THSD7B: variants seen among roughly 807,000 people sequenced by gnomAD.
THSD7B encodes the protein thrombospondin type 1 domain containing 7B, also known as thrombospondin type-1 domain-containing protein 7B.
THSD7B carries 138 observed loss-of-function variants against 213.6 expected under a neutral mutation model. The ratio of observed to expected loss-of-function variants is 0.65; its 90% CI spans 0.56 to 0.74. The LOEUF is 0.74. Ranked by LOEUF, THSD7B falls within the 30% of genes least tolerant of loss-of-function variation. THSD7B has a pLI of 0.00. For synonymous variants in THSD7B, 742 were observed against 687.0 expected, an observed-to-expected ratio of 1.08 and a Z score of -1.25; for missense variants, 1,931 against 1,991.5, an observed-to-expected ratio of 0.97 and a Z score of 0.58.
chr2:137,160,211 A>C lies in THSD7B; in HGVS notation c.1370-2A>C, dbSNP rs773510503. On this transcript the variant is annotated splice_acceptor_variant, in intron 5 of 27. Coordinates refer to ENST00000409968, the MANE Select transcript of THSD7B (RefSeq NM_001316349.2). LOFTEE classifies it high-confidence loss of function. Reference sequence around the variant, plus strand: ...ATGGTCCGTTATCTTTTTGTCCCTCAGTCTCTAGACCTGTGGAAAAGGCAT... The same window carrying C: ...ATGGTCCGTTATCTTTTTGTCCCTCCGTCTCTAGACCTGTGGAAAAGGCAT... 6.2e-7 allele frequency: 1 copy of C among 1,607,564 alleles called. No individual in the cohort carries two copies. The highest frequency in any genetic ancestry group is 1.1e-5 in the South Asian group (1 of 89,502).
At position 136,888,230 on chromosome 2, in the gene THSD7B, C is replaced by G. The variant is rs77280106; in HGVS notation, c.139+5913C>G. 1.4e-3 allele frequency among the ~76,000 whole-genome samples: 207 copies of G among 151,966 alleles called. 5 individuals carry two copies. In the East Asian group the frequency reaches 0.035, roughly 26 times the overall value. ...AAAGTTTTAATTTCAGTAGCTCATG[C>G]TCAATGAATAAAAAGGGTGAGGATA... On this transcript the variant is annotated intron_variant, in intron 2 of 27. Coordinates refer to ENST00000409968, the MANE Select transcript of THSD7B (RefSeq NM_001316349.2).
chr2:137,284,890 G>A (rs1308912008), intron 12 of THSD7B, among the ~76,000 whole-genome samples: 1 of 152,118 alleles, frequency 6.6e-6, no homozygotes, highest in Non-Finnish European at 1.5e-5. Context: ...ATTTGGGGTG[G>A]AGAGTTCTGT....
At chr2:137,192,350 A>C (rs112906307) in intron 7 of THSD7B, among the ~76,000 whole-genome samples, 20 of 152,354 alleles carry the variant, frequency 1.3e-4, no homozygotes, top group African/African-American at 4.8e-4. Context: ...GGGTATGAGC[A>C]AGGAAAAACT....
intron 10 of THSD7B, among the ~76,000 whole-genome samples, chr2:137,248,288 C>T (rs188232473): frequency 2.6e-5 from 4 of 152,192 alleles, no homozygotes; most frequent in Admixed American, 2.0e-4. Flanking sequence ...TATTATGGCA[C>T]CTGTTTCTAT....
intron 17 of THSD7B, among the ~76,000 whole-genome samples, chr2:137,608,695 T>G (rs1057020365): frequency 3.3e-5 from 5 of 152,192 alleles, no homozygotes; most frequent in African/African-American, 1.2e-4. Flanking sequence ...AGAATATAGT[T>G]TTAGTTTCCC....
intron 12 of THSD7B, among the ~76,000 whole-genome samples, chr2:137,288,792 A>AATAT (rs145513737): frequency 0.025 from 3,598 of 145,312 alleles, 158 homozygotes; most frequent in African/African-American, 0.084. Flanking sequence ...CTAGAAACAT[A>AATAT]ATATATATAT....
At chr2:136,903,158 T>A (rs1684090312) in intron 2 of THSD7B, among the ~76,000 whole-genome samples, 1 of 119,776 alleles carries the variant, frequency 8.3e-6, no homozygotes, top group East Asian at 2.0e-4. Context: ...CCCAAAAAGG[T>A]GTTTTTTTTA....
chr2:137,153,675 G>A (rs1255238493), intron 5 of THSD7B, among the ~76,000 whole-genome samples: 1 of 152,084 alleles, frequency 6.6e-6, no homozygotes, highest in African/African-American at 2.4e-5. Flanking sequence ...ATGGCTTTAT[G>A]GTTAAAATTG....
chr2:137,550,126 C>T (rs1374929842), intron 15 of THSD7B, among the ~76,000 whole-genome samples: 2 of 151,976 alleles, frequency 1.3e-5, no homozygotes, highest in African/African-American at 4.8e-5. Context: ...CTCTCTCACT[C>T]TACTTGCTGT....
intron 2 of THSD7B, among the ~76,000 whole-genome samples, chr2:137,030,214 T>C (rs1289229108): frequency 1.3e-5 from 2 of 152,192 alleles, no homozygotes; most frequent in African/African-American, 4.8e-5. Flanking sequence ...GGAAGGGACA[T>C]GCATGATGCT....
intron 14 of THSD7B, among the ~76,000 whole-genome samples, chr2:137,430,928 C>T (rs1687166814): frequency 6.6e-6 from 1 of 152,092 alleles, no homozygotes; most frequent in Non-Finnish European, 1.5e-5. Flanking sequence ...AAATATCCAG[C>T]TGGTGAGAGG....
intron 15 of THSD7B, among the ~76,000 whole-genome samples, chr2:137,480,533 T>C (rs1033605173): frequency 1.3e-5 from 2 of 152,228 alleles, no homozygotes; most frequent in Non-Finnish European, 1.5e-5. Context: ...CTGTAAGTAT[T>C]AGATTATTTT....
At chr2:137,572,335 C>T in intron 16 of THSD7B, 71 bp from the exon 17 acceptor site, 3 of 1,518,648 alleles carry the variant, frequency 2.0e-6, no homozygotes, top group African/African-American at 1.4e-5. Flanking sequence ...TACTATGATA[C>T]ATCATAACTA....
intron 1 of THSD7B, among the ~76,000 whole-genome samples, chr2:136,861,747 C>T (rs1683262587): frequency 6.6e-6 from 1 of 152,196 alleles, no homozygotes; most frequent in Admixed American, 6.5e-5. Flanking sequence ...TAACAAATTA[C>T]TTAAAAATGT....
intron 7 of THSD7B, among the ~76,000 whole-genome samples, chr2:137,188,245 C>T (rs1307515031): frequency 6.6e-6 from 1 of 152,104 alleles, no homozygotes; most frequent in Non-Finnish European, 1.5e-5. Context: ...GACCAGAATC[C>T]AATCACCTTG....
intron 15 of THSD7B, among the ~76,000 whole-genome samples, chr2:137,504,890 GT>G (rs1280280066): frequency 6.6e-6 from 1 of 152,172 alleles, no homozygotes; most frequent in Non-Finnish European, 1.5e-5. Context: ...GAAAACGACT[GT>G]GAGAGAAAAT....
At chr2:137,123,854 C>G (rs1392628246) in intron 5 of THSD7B, among the ~76,000 whole-genome samples, 2 of 152,044 alleles carry the variant, frequency 1.3e-5, no homozygotes, top group African/African-American at 4.8e-5. Flanking sequence ...TTTCTCTCCT[C>G]CCTCCTCCTT....
At chr2:137,313,174 T>C (rs1474152337) in intron 12 of THSD7B, among the ~76,000 whole-genome samples, 1 of 152,192 alleles carries the variant, frequency 6.6e-6, no homozygotes, top group Non-Finnish European at 1.5e-5. Flanking sequence ...GGACTTGCTT[T>C]ATGAATCTGG....
intron 12 of THSD7B, among the ~76,000 whole-genome samples, chr2:137,320,628 G>A (rs1315305983): frequency 6.6e-6 from 1 of 152,110 alleles, no homozygotes; most frequent in African/African-American, 2.4e-5. Flanking sequence ...ATATTTAAAT[G>A]GAATAATAAG....
Sources: gnomAD v4.1 joint callset for allele counts (sites outside exome capture counted in the v4.1 genomes callset) on GRCh38, gnomAD v4.1.1 for gene constraint, MANE v1.5 for transcripts, NCBI Gene and HGNC (gene_info 2026-07-23, HGNC 2026-07-21) for gene names.